The following CLCA4 variants were observed in gnomAD, a reference collection of about 807,000 sequenced individuals.
The protein encoded by CLCA4 is chloride channel accessory 4.
CLCA4 carries 69 observed loss-of-function variants against 78.9 expected under a neutral mutation model. That is an observed-to-expected ratio of 0.87 (90% confidence interval 0.72 to 1.07). The LOEUF is 1.07. Among genes scored for constraint, CLCA4 ranks in the 50% least tolerant of loss-of-function variants. The pLI, the probability that CLCA4 is intolerant of heterozygous loss-of-function variation, is 0.00. For missense variants in CLCA4, 1,133 were observed against 1,095.8 expected, an observed-to-expected ratio of 1.03 and a Z score of -0.48; for synonymous variants, 362 against 375.8, an observed-to-expected ratio of 0.96 and a Z score of 0.42.
chr1:86,550,539 T>G (rs974492355), intron 1 of CLCA4, among the ~76,000 whole-genome samples: 1 of 151,994 alleles, frequency 6.6e-6, no homozygotes, highest in Non-Finnish European at 1.5e-5. Context: ...GTTTAATATC[T>G]TCAAGAAACC....
At chr1:86,553,043 G>A (rs2101790798) in intron 1 of CLCA4, 2 of 644,080 alleles carry the variant, frequency 3.1e-6, no homozygotes, top group Non-Finnish European at 2.8e-6. Flanking sequence ...CACGCCGCGC[G>A]GCACAGAATC....
At chr1:86,574,837 C>A in intron 10 of CLCA4, 82 bp downstream of exon 10, 1 of 1,003,072 alleles carries the variant, frequency 1.0e-6, no homozygotes, top group Non-Finnish European at 1.5e-6. Flanking sequence ...ATGTCAGTAC[C>A]AAAGGCTGTA....
intron 9 of CLCA4, 133 bp downstream of exon 9, chr1:86,572,853 A>G (rs1198658439): frequency 2.9e-6 from 2 of 686,824 alleles, no homozygotes; most frequent in Admixed American, 4.2e-5. Flanking sequence ...TTAATCTTAA[A>G]TAGAAATTAC....
Position 86,580,146 on chromosome 1 carries a change from C to T in CLCA4, c.2561C>T (p.Thr854Ile). 1.2e-6 allele frequency: 2 copies of T among 1,612,536 alleles called. No individual in the cohort carries two copies. Among genetic ancestry groups the T allele is most frequent in the Non-Finnish European group, 1.7e-6 (2 of 1,179,140 alleles). Residue 854 changes from threonine to isoleucine, a missense_variant, in exon 14 of 14, where the codon ACA becomes ATA. By Grantham distance (89) the Thr-to-Ile change is moderately conservative (BLOSUM62 -1). Coordinates refer to ENST00000370563, the MANE Select transcript of CLCA4 (RefSeq NM_012128.4). ...AIKSIDKSNLTSKVSNIAQVT... is the reference protein window; with the variant it reads ...AIKSIDKSNLISKVSNIAQVT... Reference sequence around the variant, plus strand: ...AAAAGTATAGATAAAAGCAATTTGACATCAAAAGTATCCAACATTGCACAA... The same window carrying T: ...AAAAGTATAGATAAAAGCAATTTGATATCAAAAGTATCCAACATTGCACAA...
rs774484319 is a variant in CLCA4, at chr1:86,560,242, C to T, written c.332C>T (p.Pro111Leu). 2 of 1,613,760 alleles carry T rather than the reference C, an allele frequency of 1.2e-6. No individual in the cohort carries two copies. Among genetic ancestry groups the T allele is most frequent in the South Asian group, 2.2e-5 (2 of 90,998 alleles). ...GTTATAGTTGCACCACCTACACTCC[C>T]AGGTAGAGATGAACCATACACCAAG... ...ADVIVAPPTLPGRDEPYTKQF... is the reference protein window; with the variant it reads ...ADVIVAPPTLLGRDEPYTKQF... Residue 111 changes from proline to leucine, a missense_variant, in exon 3 of 14, where the codon CCA (proline) becomes CTA (leucine). Transcript: ENST00000370563.
chr1:86,558,077 G>T (rs917292047), intron 1 of CLCA4, among the ~76,000 whole-genome samples: 4 of 151,908 alleles, frequency 2.6e-5, no homozygotes, highest in Admixed American at 6.6e-5. Context: ...GAGCCTATGG[G>T]TGTCATTATG....
chr1:86,557,493 G>C (rs1261267500), intron 1 of CLCA4, among the ~76,000 whole-genome samples: 2 of 152,154 alleles, frequency 1.3e-5, no homozygotes, highest in Non-Finnish European at 2.9e-5. Flanking sequence ...TCGGGAGCAT[G>C]TTGTTTAATT....
At chr1:86,558,783 C>T (rs894699429) in intron 1 of CLCA4, among the ~76,000 whole-genome samples, 1 of 152,102 alleles carries the variant, frequency 6.6e-6, no homozygotes, top group Non-Finnish European at 1.5e-5. Flanking sequence ...ATTATCTCCA[C>T]CTGGTCCCTT....
rs759981524 is a variant in CLCA4 at position 86,579,956 on chromosome 1, A to G, written c.2371A>G (p.Ile791Val). ...TTTTTTCTCAGTTCAACGTTATATC[A>G]TAAGAATAAGTGCAAGTATTCTTGA... ...FDVGKVQRYI[I>V]RISASILDLR... Residue 791 changes from isoleucine to valine, a missense_variant, in exon 14 of 14, where the codon ATA becomes GTA. By Grantham distance (29) the Ile-to-Val change is conservative. Coordinates refer to ENST00000370563, the MANE Select transcript of CLCA4 (RefSeq NM_012128.4). The G allele has an allele frequency of 1.9e-6, 3 of 1,583,772 alleles. No homozygotes were observed. The highest frequency in any genetic ancestry group is 2.7e-5 in the African/African-American group (2 of 73,322).
intron 10 of CLCA4, 115 bp downstream of exon 10, chr1:86,574,870 A>C: frequency 1.3e-6 from 1 of 758,190 alleles, no homozygotes; most frequent in African/African-American, 1.8e-5. Flanking sequence ...TTAAGATAAA[A>C]TAGTATGTAC....
At position 86,565,388 on chromosome 1, in the gene CLCA4, A is replaced by G. The variant is rs934496252; in HGVS notation, c.672A>G (p.Gln224=). 7 of 1,609,694 alleles carry G rather than the reference A, an allele frequency of 4.3e-6. No homozygotes were observed. Among genetic ancestry groups the G allele is most frequent in the Non-Finnish European group, 5.9e-6 (7 of 1,176,830 alleles). Residue 224 remains glutamine (Q), a synonymous_variant, in exon 5 of 14, where the codon CAA becomes CAG. Coordinates refer to ENST00000370563, the MANE Select transcript of CLCA4 (RefSeq NM_012128.4). ...STTKLYGKDC[Q]FFPDKVQTEK... is the part of the protein sequence containing the mutation. ...CAAAACTGTATGGAAAAGATTGTCA[A>G]TTCTTTCCTGATAAAGTACAAACAG...
chr1:86,574,676 C>G lies in CLCA4; in HGVS notation c.1604C>G (p.Pro535Arg). The G allele has an allele frequency of 6.2e-7, 1 of 1,613,216 alleles. No homozygotes were observed. Among genetic ancestry groups the G allele is most frequent in the South Asian group, 1.1e-5 (1 of 91,052 alleles). Residue 535 changes from proline (P) to arginine (R), a missense_variant, in exon 10 of 14, where the codon CCC (proline) becomes CGC (arginine). Coordinates refer to ENST00000370563, the MANE Select transcript of CLCA4 (RefSeq NM_012128.4). ...SLPPSISLWD[P>R]SGTIMENFTV... Reference sequence around the variant, plus strand: ...CCTCCCAGTATTTCTCTCTGGGATCCCAGTGGAACAATAATGGAAAATTTC... The same window carrying G: ...CCTCCCAGTATTTCTCTCTGGGATCGCAGTGGAACAATAATGGAAAATTTC...
In CLCA4 at chr1:86,579,968, G is replaced by T; in HGVS notation, c.2383G>T (p.Ala795Ser). 1 of 1,597,182 alleles carries T rather than the reference G, an allele frequency of 6.3e-7. No homozygotes were observed. Among genetic ancestry groups the T allele is most frequent in the Non-Finnish European group, 8.5e-7 (1 of 1,171,296 alleles). ...KVQRYIIRIS[A>S]SILDLRDSFD... ...TCAACGTTATATCATAAGAATAAGT[G>T]CAAGTATTCTTGATCTAAGAGACAG... The change falls in exon 14 of 14, where the codon GCA becomes TCA. Residue 795 changes from alanine (A) to serine (S), a missense_variant. Coordinates refer to ENST00000370563, the MANE Select transcript of CLCA4 (RefSeq NM_012128.4).
intron 1 of CLCA4, among the ~76,000 whole-genome samples, chr1:86,555,281 C>G (rs1163622948): frequency 1.3e-5 from 2 of 151,916 alleles, no homozygotes; most frequent in African/African-American, 4.8e-5. Context: ...AAATCTTTGC[C>G]TATGTCCAGG....
At chr1:86,556,621 A>C (rs1649854997) in intron 1 of CLCA4, among the ~76,000 whole-genome samples, 1 of 152,176 alleles carries the variant, frequency 6.6e-6, no homozygotes, top group Admixed American at 6.5e-5. Flanking sequence ...ATCAATGTTC[A>C]TAAAGGATAT....
chr1:86,549,071 G>A (rs916215144), intron 1 of CLCA4, among the ~76,000 whole-genome samples: 12 of 152,134 alleles, frequency 7.9e-5, no homozygotes, highest in African/African-American at 2.9e-4. Context: ...TAGTTAATAA[G>A]TAAATGGATC....
intron 1 of CLCA4, among the ~76,000 whole-genome samples, chr1:86,556,951 A>G (rs966385016): frequency 6.6e-6 from 1 of 152,230 alleles, no homozygotes; most frequent in Non-Finnish European, 1.5e-5. Flanking sequence ...GAATTTATCC[A>G]TCTCTTCTAG....
At chr1:86,556,661 C>G (rs1649856372) in intron 1 of CLCA4, among the ~76,000 whole-genome samples, 1 of 152,008 alleles carries the variant, frequency 6.6e-6, no homozygotes, top group South Asian at 2.1e-4. Context: ...TTTGTTGGGT[C>G]TCTGTCAGGT....
rs766764342 is a variant in CLCA4, at chr1:86,574,598, T to C, written c.1526T>C (p.Ile509Thr). ...SNAWMNDTVI[I>T]DSTVGKDTFF... Reference sequence around the variant, plus strand: ...GCCTGGATGAACGACACTGTCATAATTGATAGTACAGTGGGAAAGGACACG... The same window carrying C: ...GCCTGGATGAACGACACTGTCATAACTGATAGTACAGTGGGAAAGGACACG... The change falls in exon 10 of 14, where the codon ATT becomes ACT. Residue 509 changes from isoleucine to threonine, a missense_variant. Coordinates refer to ENST00000370563, the MANE Select transcript of CLCA4 (RefSeq NM_012128.4). 8 of 1,613,132 alleles carry C rather than the reference T, an allele frequency of 5.0e-6. No individual in the cohort carries two copies. The highest frequency in any genetic ancestry group is 5.1e-6 in the Non-Finnish European group (6 of 1,179,326).
Sources: gnomAD v4.1 joint callset for allele counts (sites outside exome capture counted in the v4.1 genomes callset) on GRCh38, gnomAD v4.1.1 for gene constraint, MANE v1.5 for transcripts, NCBI Gene and HGNC (gene_info 2026-07-23, HGNC 2026-07-21) for gene names.